C10orf90: variants seen among roughly 807,000 people sequenced by gnomAD.
C10orf90 encodes chromosome 10 open reading frame 90.
In C10orf90, 56 loss-of-function variants were observed where a neutral mutation model predicts 62.5. That is an observed-to-expected ratio of 0.90 (90% CI 0.72 to 1.12). C10orf90 has a LOEUF of 1.12. C10orf90 is among the 50% of genes most tolerant of loss of function. The pLI is 0.00. For synonymous variants in C10orf90, 386 were observed against 340.4 expected, an observed-to-expected ratio of 1.13 and a Z score of -1.47; for missense variants, 970 against 880.4, an observed-to-expected ratio of 1.10 and a Z score of -1.29.
chr10:126,517,396 A>C (rs965063920), intron 2 of C10orf90, among the ~76,000 whole-genome samples: 2 of 152,226 alleles, frequency 1.3e-5, no homozygotes, highest in African/African-American at 4.8e-5. Context: ...TGAACACAGC[A>C]GCATACACAC....
chr10:126,463,900 C>T (rs1469334244), intron 5 of C10orf90, among the ~76,000 whole-genome samples: 1 of 152,066 alleles, frequency 6.6e-6, no homozygotes, highest in Non-Finnish European at 1.5e-5. Flanking sequence ...AAATGCTTCT[C>T]TAAACGATTA....
chr10:126,593,947 T>A (rs1845032120), intron 2 of C10orf90, among the ~76,000 whole-genome samples: 1 of 151,728 alleles, frequency 6.6e-6, no homozygotes, highest in Non-Finnish European at 1.5e-5. Context: ...GATGGCCACA[T>A]GGTAAAGGAG....
At chr10:126,477,070 T>C (rs1048104826) in intron 4 of C10orf90, among the ~76,000 whole-genome samples, 11 of 126,618 alleles carry the variant, frequency 8.7e-5, no homozygotes, top group African/African-American at 2.9e-4. Flanking sequence ...ACATCACGCC[T>C]GGCTAATTTT....
chr10:126,634,013 C>T (rs983381223), intron 2 of C10orf90, among the ~76,000 whole-genome samples: 3 of 152,166 alleles, frequency 2.0e-5, no homozygotes, highest in East Asian at 1.9e-4. Context: ...GAATTGGAAC[C>T]TTTGCACACT....
intron 2 of C10orf90, among the ~76,000 whole-genome samples, chr10:126,569,373 G>C (rs1591107991): frequency 6.6e-6 from 1 of 152,220 alleles, no homozygotes; most frequent in East Asian, 1.9e-4. Flanking sequence ...TTATGGGGAG[G>C]AGCATGAGTG....
chr10:126,624,516 T>C (rs1845705884), intron 2 of C10orf90, among the ~76,000 whole-genome samples: 1 of 152,106 alleles, frequency 6.6e-6, no homozygotes, highest in South Asian at 2.1e-4. Context: ...GCTCACAAAA[T>C]TGCTAAAAAG....
chr10:126,611,771 T>G (rs1845440355), intron 2 of C10orf90, among the ~76,000 whole-genome samples: 1 of 152,178 alleles, frequency 6.6e-6, no homozygotes, highest in South Asian at 2.1e-4. Context: ...AAGGTGCTCT[T>G]GAACTGCTTC....
intron 2 of C10orf90, among the ~76,000 whole-genome samples, chr10:126,577,444 A>G (rs1020716523): frequency 2.0e-5 from 3 of 152,082 alleles, no homozygotes; most frequent in African/African-American, 7.2e-5. Flanking sequence ...ACATTTAGAA[A>G]TCAAAAACCT....
At chr10:126,612,069 C>A (rs181707456) in intron 2 of C10orf90, among the ~76,000 whole-genome samples, 36 of 152,240 alleles carry the variant, frequency 2.4e-4, no homozygotes, top group Middle Eastern at 3.4e-3. Flanking sequence ...GCCTATAATC[C>A]CAGCACTTTG....
chr10:126,546,771 A>G (rs891202766), intron 2 of C10orf90, among the ~76,000 whole-genome samples: 1 of 152,224 alleles, frequency 6.6e-6, no homozygotes, highest in Non-Finnish European at 1.5e-5. Context: ...GCCAATTAAA[A>G]TAGAAGATTT....
chr10:126,630,869 C>T (rs1591159276), intron 2 of C10orf90, among the ~76,000 whole-genome samples: 1 of 152,220 alleles, frequency 6.6e-6, no homozygotes, highest in South Asian at 2.1e-4. Flanking sequence ...CTATTTGCAA[C>T]AACCTGGGAA....
intron 6 of C10orf90, among the ~76,000 whole-genome samples, chr10:126,460,718 C>T (rs989784962): frequency 3.9e-5 from 6 of 152,066 alleles, no homozygotes; most frequent in African/African-American, 1.4e-4. Flanking sequence ...CAGGTCCCAC[C>T]GAGGCCCCCT....
chr10:126,620,206 T>A (rs1019464829), intron 2 of C10orf90, among the ~76,000 whole-genome samples: 2 of 152,226 alleles, frequency 1.3e-5, no homozygotes, highest in South Asian at 4.1e-4. Flanking sequence ...TGAAAATATT[T>A]TTCCATGCCA....
intron 2 of C10orf90, among the ~76,000 whole-genome samples, chr10:126,552,408 C>T (rs1226225426): frequency 1.3e-5 from 2 of 152,148 alleles, no homozygotes; most frequent in Non-Finnish European, 2.9e-5. Flanking sequence ...ACAGAAGTCC[C>T]CACACTGGTC....
chr10:126,434,632 CAA>C (rs1857802357), intron 7 of C10orf90, among the ~76,000 whole-genome samples: 1 of 152,178 alleles, frequency 6.6e-6, no homozygotes, highest in Admixed American at 6.5e-5. Flanking sequence ...GTATAGACGT[CAA>C]GTCTCTACCT....
chr10:126,482,248 G>C (rs990933512), intron 4 of C10orf90, among the ~76,000 whole-genome samples: 1 of 152,190 alleles, frequency 6.6e-6, no homozygotes, highest in Admixed American at 6.5e-5. Flanking sequence ...ACTCTTATGA[G>C]GGGGAGGGGA....
intron 7 of C10orf90, among the ~76,000 whole-genome samples, chr10:126,433,927 G>T (rs565707564): frequency 6.6e-6 from 1 of 152,196 alleles, no homozygotes; most frequent in South Asian, 2.1e-4. Context: ...TGTTTACCTC[G>T]AATTATCATT....
chr10:126,646,557 T>C lies in C10orf90; in HGVS notation c.313+8A>G. The C allele has an allele frequency of 6.8e-6, 3 of 442,414 alleles. No individual in the cohort carries two copies. Among genetic ancestry groups the C allele is most frequent in the Non-Finnish European group, 1.4e-5 (3 of 221,238 alleles). The allele number at this position is 442,414 out of a possible 1,614,324, so 27.4% of individuals were successfully genotyped here. Reference sequence around the variant, plus strand: ...GGAACCCTGCCTGGGCAGGCCCCAGTCCTTTACCTGCATTGGAAAGACTTT... The same window carrying C: ...GGAACCCTGCCTGGGCAGGCCCCAGCCCTTTACCTGCATTGGAAAGACTTT... On this transcript the variant is annotated splice_region_variant and intron_variant, in intron 2 of 9. Coordinates refer to ENST00000488181, the MANE Select transcript of C10orf90 (RefSeq NM_001350921.2).
intron 5 of C10orf90, among the ~76,000 whole-genome samples, chr10:126,464,023 A>G (rs950863567): frequency 6.6e-6 from 1 of 152,190 alleles, no homozygotes; most frequent in Non-Finnish European, 1.5e-5. Flanking sequence ...GTTCTTTGAG[A>G]ACATCTTTAG....
Sources: allele counts gnomAD v4.1 joint callset (sites outside exome capture counted in the v4.1 genomes callset), GRCh38; gene constraint gnomAD v4.1.1; transcripts MANE v1.5; gene names NCBI Gene and HGNC (gene_info 2026-07-23, HGNC 2026-07-21).